Variants in ANK2 observed in about 807,000 individuals in gnomAD.
ANK2 encodes ankyrin 2.
Under a neutral mutation model 360.5 loss-of-function variants are expected in ANK2, and 83 were observed. The ratio of observed to expected loss-of-function variants is 0.23; its 90% CI spans 0.19 to 0.28. ANK2 has a LOEUF of 0.28. ANK2 is among the 10% of genes least tolerant of loss of function. The pLI is 1.00. For synonymous variants in ANK2, 1,740 were observed against 1,759.5 expected (o/e 0.99, Z 0.28); for missense variants, 4,201 against 4,795.7 (o/e 0.88, Z 3.66).
intron 1 of ANK2, among the ~76,000 whole-genome samples, chr4:113,132,390 C>T (rs1055725109): frequency 6.6e-6 from 1 of 152,046 alleles, no homozygotes; most frequent in Non-Finnish European, 1.5e-5. Flanking sequence ...GTACATACTT[C>T]AAATGTACTT....
chr4:112,949,948 A>T (rs1225331149), intron 2 of ANK2, among the ~76,000 whole-genome samples: 1 of 152,218 alleles, frequency 6.6e-6, no homozygotes, highest in Non-Finnish European at 1.5e-5. Context: ...AAAATGAAGG[A>T]ATTTAGAAGT....
rs778412257 is a variant in ANK2 at position 113,341,929 on chromosome 4, A to T, written c.4122+13A>T. 17 of 1,556,340 alleles carry T rather than the reference A, an allele frequency of 1.1e-5. No individual in the cohort carries two copies. The East Asian group carries it at 2.9e-4, about 27-fold the overall frequency. ...CAGGGATGTGGAGGTACTGTACCAA[A>T]AATAATAATAATAATTTATGCCATG... is the stretch of plus-strand genomic sequence containing the variant. On this transcript the variant is annotated intron_variant, in intron 33 of 45. Transcript: ENST00000357077.
chr4:113,245,356 T>C (rs1031272143), intron 9 of ANK2, among the ~76,000 whole-genome samples: 1 of 152,232 alleles, frequency 6.6e-6, no homozygotes, highest in Non-Finnish European at 1.5e-5. Flanking sequence ...TAGAAAAATG[T>C]TTATATTAAT....
intron 1 of ANK2, among the ~76,000 whole-genome samples, chr4:113,101,561 A>G (rs920244518): frequency 2.0e-5 from 3 of 152,152 alleles, no homozygotes; most frequent in Non-Finnish European, 2.9e-5. Context: ...ACATTCATGC[A>G]TTCATTCATC....
intron 1 of ANK2, among the ~76,000 whole-genome samples, chr4:112,884,425 A>G (rs1434230446): frequency 6.6e-6 from 1 of 152,218 alleles, no homozygotes; most frequent in East Asian, 1.9e-4. Flanking sequence ...TTGTGTTCCA[A>G]TAAAACTTTT....
chr4:112,912,114 T>C (rs1028384960), intron 2 of ANK2, among the ~76,000 whole-genome samples: 53 of 151,934 alleles, frequency 3.5e-4, no homozygotes, highest in African/African-American at 1.2e-3. Flanking sequence ...GAGGTGGAGT[T>C]TGCAGTGAGC....
At chr4:113,266,125 G>A (rs1350584795) in intron 14 of ANK2, among the ~76,000 whole-genome samples, 3 of 152,032 alleles carry the variant, frequency 2.0e-5, no homozygotes, top group Non-Finnish European at 4.4e-5. Context: ...ACCCCCGACA[G>A]TCTCCAGTGT....
chr4:113,322,022 G>A (rs560583242), intron 26 of ANK2, among the ~76,000 whole-genome samples: 18 of 152,220 alleles, frequency 1.2e-4, no homozygotes, highest in Middle Eastern at 3.4e-3. Context: ...GTGAACCACC[G>A]TGCCCAGCCA....
At chr4:112,814,324 A>G (rs186036143), upstream of ANK2, among the ~76,000 whole-genome samples, 1 of 152,356 alleles carries the variant, frequency 6.6e-6, no homozygotes, top group East Asian at 1.9e-4. Flanking sequence ...TATGTTATTT[A>G]CTGGAGAAGG....
At chr4:112,902,707 A>G (rs2083833525) in intron 1 of ANK2, among the ~76,000 whole-genome samples, 1 of 152,232 alleles carries the variant, frequency 6.6e-6, no homozygotes, top group East Asian at 1.9e-4. Flanking sequence ...TATGGTAGCT[A>G]TCTGATAACT....
chr4:112,724,447 G>A, the ANK2 span, among the ~76,000 whole-genome samples: 1 of 152,076 alleles, frequency 6.6e-6, no homozygotes, highest in African/African-American at 2.4e-5. Flanking sequence ...CAGGTTAAAA[G>A]TTTTAGGAAT....
chr4:112,815,079 G>A (rs2055542172), upstream of ANK2, among the ~76,000 whole-genome samples: 1 of 150,850 alleles, frequency 6.6e-6, no homozygotes, highest in East Asian at 1.9e-4. Context: ...GTTTCACCAT[G>A]TTGGCTGGCC....
chr4:113,182,914 G>T (rs942460906), intron 2 of ANK2, among the ~76,000 whole-genome samples: 1 of 152,150 alleles, frequency 6.6e-6, no homozygotes, highest in African/African-American at 2.4e-5. Flanking sequence ...TAATAGCTTT[G>T]TTTTGTTGAT....
At chr4:112,970,070 G>A (rs1043043544) in intron 2 of ANK2, among the ~76,000 whole-genome samples, 4 of 151,584 alleles carry the variant, frequency 2.6e-5, no homozygotes, top group African/African-American at 7.3e-5. Context: ...TGCAACCGCC[G>A]CCTCCCAGGT....
intron 2 of ANK2, among the ~76,000 whole-genome samples, chr4:112,960,347 C>CT (rs36107598): frequency 0.12 from 17,277 of 144,592 alleles, 1,119 homozygotes; most frequent in African/African-American, 0.17. Context: ...TAGTGTCTGC[C>CT]TTTTTTTTTT....
At chr4:112,778,504 A>G in the ANK2 span, among the ~76,000 whole-genome samples, 3 of 152,164 alleles carry the variant, frequency 2.0e-5, no homozygotes, top group Non-Finnish European at 2.9e-5. Flanking sequence ...CTATCATTTG[A>G]ACAAACATCT....
intron 20 of ANK2, among the ~76,000 whole-genome samples, chr4:113,292,019 C>T (rs2067934093): frequency 6.6e-6 from 1 of 152,168 alleles, no homozygotes; most frequent in Admixed American, 6.5e-5. Flanking sequence ...ACAATTTTAA[C>T]TCTTGTTTCC....
At chr4:112,747,850 A>T in the ANK2 span, among the ~76,000 whole-genome samples, 18 of 152,190 alleles carry the variant, frequency 1.2e-4, no homozygotes, top group Non-Finnish European at 2.2e-4. Flanking sequence ...GTTGGTAAGG[A>T]TTTCTGAATA....
intron 37 of ANK2, among the ~76,000 whole-genome samples, chr4:113,352,584 A>G (rs1271355994): frequency 6.6e-6 from 1 of 152,170 alleles, no homozygotes; most frequent in Non-Finnish European, 1.5e-5. Context: ...GCTTTCTCCT[A>G]GAGGAAATCA....
Sources: allele counts gnomAD v4.1 joint callset (sites outside exome capture counted in the v4.1 genomes callset), GRCh38; gene constraint gnomAD v4.1.1; transcripts MANE v1.5; gene names NCBI Gene and HGNC (gene_info 2026-07-23, HGNC 2026-07-21).